The following C2CD3 variants were observed in gnomAD, a reference collection of about 807,000 sequenced individuals.
C2CD3 encodes the protein C2 domain containing 3 centriole elongation regulator, also known as C2 domain-containing protein 3.
A neutral mutation model predicts 234.0 loss-of-function variants in C2CD3; 148 were observed. The ratio of observed to expected loss-of-function variants is 0.63; its 90% CI spans 0.55 to 0.72. C2CD3 has a LOEUF of 0.72. Among genes scored for constraint, C2CD3 ranks in the 30% least tolerant of loss-of-function variants. C2CD3 has a pLI of 0.00. For missense variants in C2CD3, 2,577 were observed against 2,811.5 expected (o/e 0.92, Z 1.89); for synonymous variants, 1,000 against 1,035.4 (o/e 0.97, Z 0.66).
intron 2 of C2CD3, among the ~76,000 whole-genome samples, chr11:74,162,588 C>G (rs964041722): frequency 1.3e-5 from 2 of 152,026 alleles, no homozygotes; most frequent in African/African-American, 4.8e-5. Flanking sequence ...ACTTATCATA[C>G]CATTCTGGGG....
At chr11:74,014,122 G>A (rs1238049602) in intron 32 of C2CD3, among the ~76,000 whole-genome samples, 1 of 152,128 alleles carries the variant, frequency 6.6e-6, no homozygotes, top group Admixed American at 6.6e-5. Context: ...AAACCTGTGG[G>A]CTATGGTATC....
intron 7 of C2CD3, among the ~76,000 whole-genome samples, chr11:74,125,828 T>C (rs2135527254): frequency 6.6e-6 from 1 of 152,278 alleles, no homozygotes; most frequent in East Asian, 1.9e-4. Context: ...TGAGAGAACT[T>C]AAAATTTGGT....
chr11:74,061,459 G>A (rs1388480365), intron 24 of C2CD3, among the ~76,000 whole-genome samples: 1 of 152,190 alleles, frequency 6.6e-6, no homozygotes, highest in Non-Finnish European at 1.5e-5. Flanking sequence ...AGAAGAGAGT[G>A]GGGGCCAATA....
intron 9 of C2CD3, among the ~76,000 whole-genome samples, chr11:74,117,041 T>TGTATATGTATATATAC (rs1956995103): frequency 2.1e-4 from 11 of 53,292 alleles, no homozygotes; most frequent in Non-Finnish European, 3.7e-4. Flanking sequence ...TATATATACG[T>TGTATATGTATATATAC]GTGTGTGTAT....
chr11:74,162,991 T>C (rs767535709), intron 2 of C2CD3, among the ~76,000 whole-genome samples: 2 of 152,222 alleles, frequency 1.3e-5, no homozygotes, highest in South Asian at 2.1e-4. Context: ...CTATACTCTT[T>C]GGTCACTTAG....
At chr11:74,076,185 A>G (rs1048744022) in intron 23 of C2CD3, among the ~76,000 whole-genome samples, 1 of 152,182 alleles carries the variant, frequency 6.6e-6, no homozygotes, top group Non-Finnish European at 1.5e-5. Context: ...CAGATAAAAC[A>G]GAGCACATGG....
rs111621519 is a variant in C2CD3, at chr11:74,034,843, T to C, written c.5882-565A>G. ...TTGTCACTTGTTAACTTTGTGATCA[T>C]AAGCAAACCATCCTCTCTGAGCCTA... On this transcript the variant is annotated intron_variant, in intron 30 of 32. Transcript: ENST00000334126. Among the ~76,000 whole-genome samples the C allele has an allele frequency of 4.5e-3, 684 of 152,352 alleles. 3 individuals are homozygous for C. The highest frequency in any genetic ancestry group is 0.034 in the Middle Eastern group (10 of 294).
In C2CD3 at chr11:74,085,826, A is replaced by T. The variant is rs781700359; in HGVS notation, c.3702T>A (p.Ser1234=). 6.2e-7 allele frequency: 1 copy of T among 1,614,180 alleles called. No individual in the cohort carries two copies. The highest frequency in any genetic ancestry group is 1.1e-5 in the South Asian group (1 of 91,076). The change falls in exon 21 of 33, where the codon TCT becomes TCA. Residue 1234 remains serine, a synonymous_variant. Transcript: ENST00000334126. ...QFSATVGVNA[S]VTTHLSFLPQ... ...GCAGGAAGGAGAGATGAGTGGTGAC[A>T]GAGGCATTGACCCCGACTGTGGCAC... is the stretch of plus-strand genomic sequence containing the variant.
rs973137128 is a variant in C2CD3 at position 74,113,907 on chromosome 11, A to G, written c.1731-15T>C. On this transcript the variant is annotated splice_polypyrimidine_tract_variant and intron_variant, in intron 10 of 32. Coordinates refer to ENST00000334126, the MANE Select transcript of C2CD3 (RefSeq NM_001286577.2). Reference sequence around the variant, plus strand: ...CAAAGAAAGTGCTAAAAAGAAAAAAAAAGTGATTAAAAACTAACCAAACAA... The same window carrying G: ...CAAAGAAAGTGCTAAAAAGAAAAAAGAAGTGATTAAAAACTAACCAAACAA... 3.5e-6 allele frequency: 5 copies of G among 1,436,800 alleles called. No homozygotes were observed. The highest frequency in any genetic ancestry group is 4.8e-6 in the Non-Finnish European group (5 of 1,045,280). 89.0% of individuals were successfully genotyped at this position (1,436,800 alleles called of 1,614,324 possible).
intron 26 of C2CD3, among the ~76,000 whole-genome samples, chr11:74,052,104 G>C (rs1953718977): frequency 6.6e-6 from 1 of 152,194 alleles, no homozygotes; most frequent in Non-Finnish European, 1.5e-5. Flanking sequence ...AGTGGGCTAA[G>C]GGGAGAGAGA....
intron 26 of C2CD3, among the ~76,000 whole-genome samples, chr11:74,051,625 GT>G (rs1036328333): frequency 6.6e-6 from 1 of 152,110 alleles, no homozygotes; most frequent in African/African-American, 2.4e-5. Flanking sequence ...CTTTGTATTT[GT>G]TTTCCCCTCT....
intron 28 of C2CD3, 126 bp from the exon 29 acceptor site, chr11:74,042,344 G>A (rs186521823): frequency 6.4e-6 from 6 of 939,812 alleles, no homozygotes; most frequent in Non-Finnish European, 7.8e-6. Context: ...CACTATCACA[G>A]TTCTGGCCTT....
In C2CD3 at chr11:74,037,518, T is replaced by C; in HGVS notation, c.5841A>G (p.Lys1947=). Residue 1947 remains lysine, a synonymous_variant, in exon 30 of 33, where the codon AAA becomes AAG. Coordinates refer to ENST00000334126, the MANE Select transcript of C2CD3 (RefSeq NM_001286577.2). ...TGACTTGCAACACCAGGTTACTGGA[T>C]TTCTCCAGGATACACTGGCTCCCAG... ...LDPGSQCILE[K]SSNLVLQVSS... The C allele has an allele frequency of 6.2e-7, 1 of 1,614,112 alleles. No homozygotes were observed. The highest frequency in any genetic ancestry group is 8.5e-7 in the Non-Finnish European group (1 of 1,179,998).
At chr11:74,104,644 T>C (rs908099708) in intron 13 of C2CD3, among the ~76,000 whole-genome samples, 9 of 151,786 alleles carry the variant, frequency 5.9e-5, no homozygotes, top group African/African-American at 9.7e-5. Flanking sequence ...GTCTAAATAA[T>C]TAAAAAGTAA....
Position 74,103,516 on chromosome 11 carries a change from G to C in C2CD3, c.2195C>G (p.Ala732Gly). 1 of 1,614,152 alleles carries C rather than the reference G, an allele frequency of 6.2e-7. No individual in the cohort carries two copies. Among genetic ancestry groups the C allele is most frequent in the Non-Finnish European group, 8.5e-7 (1 of 1,180,014 alleles). ...CATATCTTGGTTAAGTTCTGGTAGTGCCTTATTTGGACTTGTAGGAGCACA... is the reference window on the plus strand; with the variant it reads ...CATATCTTGGTTAAGTTCTGGTAGTCCCTTATTTGGACTTGTAGGAGCACA... ...PLCAPTSPNKALPELNQDMTC... is the reference protein window; with the variant it reads ...PLCAPTSPNKGLPELNQDMTC... Residue 732 changes from alanine (A) to glycine (G), a missense_variant, in exon 14 of 33, where the codon GCA (alanine) becomes GGA (glycine). By Grantham distance (60) the Ala-to-Gly change is moderately conservative (BLOSUM62 0). Coordinates refer to ENST00000334126, the MANE Select transcript of C2CD3 (RefSeq NM_001286577.2).
chr11:74,125,228 G>A (rs1957370223), intron 7 of C2CD3, among the ~76,000 whole-genome samples: 2 of 152,136 alleles, frequency 1.3e-5, no homozygotes, highest in South Asian at 4.1e-4. Flanking sequence ...GCACTGGTGT[G>A]ATCATAGCTC....
chr11:74,149,712 C>A (rs1288444366), intron 3 of C2CD3, among the ~76,000 whole-genome samples: 1 of 151,968 alleles, frequency 6.6e-6, no homozygotes, highest in African/African-American at 2.4e-5. Context: ...GGATTCTCTT[C>A]GGCTCCCTCC....
chr11:74,105,505 C>T (rs937848364), intron 13 of C2CD3, among the ~76,000 whole-genome samples: 2 of 152,006 alleles, frequency 1.3e-5, no homozygotes, highest in South Asian at 2.1e-4. Flanking sequence ...TCCTGAGCTC[C>T]GGCAATCTGC....
rs1485327764 is a variant in C2CD3 at position 74,090,923 on chromosome 11, C to T, written c.3531G>A (p.Val1177=). Reference sequence around the variant, plus strand: ...TTGGACTACGCCTGTACCTTAGGCCCACATCCAGTAAACCTGAAGAATGAG... The same window carrying T: ...TTGGACTACGCCTGTACCTTAGGCCTACATCCAGTAAACCTGAAGAATGAG... ...LRNQSSGLLD[V]GLRYRRSPRT... The change falls in exon 20 of 33, where the codon GTG becomes GTA. Residue 1177 remains valine, a synonymous_variant. Transcript: ENST00000334126. 5.6e-6 allele frequency: 9 copies of T among 1,613,804 alleles called. No individual in the cohort carries two copies. The Admixed American group carries it at 1.5e-4, about 27-fold the overall frequency.
Sources: gnomAD v4.1 joint callset for allele counts (sites outside exome capture counted in the v4.1 genomes callset) on GRCh38, gnomAD v4.1.1 for gene constraint, MANE v1.5 for transcripts, NCBI Gene and HGNC (gene_info 2026-07-23, HGNC 2026-07-21) for gene names.